RBBP5: variants seen among roughly 807,000 people sequenced by gnomAD.
The protein encoded by RBBP5 is retinoblastoma-binding protein 5.
In RBBP5, 5 loss-of-function variants were observed where a neutral mutation model predicts 72.2. That is an observed-to-expected ratio of 0.07 (90% CI 0.04 to 0.15). The LOEUF is 0.15. Among genes scored for constraint, RBBP5 ranks in the 10% least tolerant of loss-of-function variants. The probability of loss-of-function intolerance (pLI) is 1.00; values close to 1 mark genes in which losing one functional copy is unlikely to be tolerated. For synonymous variants in RBBP5, 209 were observed against 237.2 expected, an observed-to-expected ratio of 0.88 and a Z score of 1.09; for missense variants, 322 against 652.2, an observed-to-expected ratio of 0.49 and a Z score of 5.51.
chr1:205,106,617 A>G (rs1306155928), intron 3 of RBBP5, among the ~76,000 whole-genome samples: 1 of 152,172 alleles, frequency 6.6e-6, no homozygotes, highest in African/African-American at 2.4e-5. Context: ...TAAAAAATAA[A>G]TAAGATCTAC....
chr1:205,093,479 AATATATATATATATATATATATATAT>A lies in RBBP5; in HGVS notation c.1588+1368_1588+1393del, dbSNP rs1204598107. Among the ~76,000 whole-genome samples the A allele has an allele frequency of 7.1e-3, 56 of 7,840 alleles. 3 individuals are homozygous for A. Among genetic ancestry groups the A allele is most frequent in the East Asian group, 0.017 (1 of 60 alleles). The allele number at this position is 7,840 out of a possible 152,430, so 5.1% of individuals were successfully genotyped here. A position where few individuals can be genotyped will look rare whatever the true frequency, so the allele number is the denominator to read the frequency against. ...GTTTCAAAAAAAAAAAAAAAAAAAAAATATATATATATATATATATATATATATATATATATATATATATATATATA... is the reference window on the plus strand; with the variant it reads ...GTTTCAAAAAAAAAAAAAAAAAAAAAATATATATATATATATATATATATA... On this transcript the variant is annotated intron_variant, in intron 13 of 13. Coordinates refer to ENST00000264515, the MANE Select transcript of RBBP5 (RefSeq NM_005057.4).
At chr1:205,120,014 T>C (rs1055785834) in intron 1 of RBBP5, among the ~76,000 whole-genome samples, 4 of 152,170 alleles carry the variant, frequency 2.6e-5, no homozygotes, top group Admixed American at 2.6e-4. Flanking sequence ...TCCAAAGCTG[T>C]CTTTTTCCAA....
chr1:205,096,402 G>A (rs1023633371), intron 12 of RBBP5, among the ~76,000 whole-genome samples: 1 of 152,066 alleles, frequency 6.6e-6, no homozygotes, highest in Non-Finnish European at 1.5e-5. Context: ...ACTCTACGGG[G>A]AAACATTTAA....
intron 3 of RBBP5, among the ~76,000 whole-genome samples, chr1:205,107,490 C>T (rs1156357991): frequency 2.0e-5 from 3 of 152,158 alleles, no homozygotes; most frequent in Non-Finnish European, 4.4e-5. Context: ...AAGAAAAGAA[C>T]TGTCATTCCA....
At position 205,100,206 on chromosome 1, in the gene RBBP5, C is replaced by T; in HGVS notation, c.698G>A (p.Cys233Tyr). 1 of 1,614,158 alleles carries T rather than the reference C, an allele frequency of 6.2e-7. No individual in the cohort carries two copies. Among genetic ancestry groups the T allele is most frequent in the Non-Finnish European group, 8.5e-7 (1 of 1,180,026 alleles). ...AGGTTCAGGCTCTCCATCTCTTCCA[C>T]ATGTTAAGATTTCTCTGCCATCATA... Reference protein sequence around the residue: ...RVYDGREILTCGRDGEPEPMQ... With the variant: ...RVYDGREILTYGRDGEPEPMQ... Residue 233 changes from cysteine to tyrosine, a missense_variant, in exon 7 of 14, where the codon TGT becomes TAT. Physicochemically the swap from Cys to Tyr is radical, Grantham distance 194. Around this residue, in one of 6 missense-constraint regions of RBBP5, gnomAD observed 161 missense variants for 327.8 expected, o/e 0.49. Coordinates refer to ENST00000264515, the MANE Select transcript of RBBP5 (RefSeq NM_005057.4).
At chr1:205,090,899 AAGAG>A (rs1359382401) in intron 13 of RBBP5, among the ~76,000 whole-genome samples, 4 of 152,142 alleles carry the variant, frequency 2.6e-5, no homozygotes, top group Admixed American at 2.0e-4. Context: ...GAGAAAAACA[AAGAG>A]AGAAAAAAAG....
intron 13 of RBBP5, among the ~76,000 whole-genome samples, 183 bp downstream of exon 13, chr1:205,094,690 C>T (rs1655543565): frequency 6.6e-6 from 1 of 152,142 alleles, no homozygotes; most frequent in Admixed American, 6.6e-5. Flanking sequence ...AGGTTAAGAG[C>T]CACTGAATTA....
At chr1:205,095,918 C>T (rs1002639895) in intron 12 of RBBP5, among the ~76,000 whole-genome samples, 5 of 152,164 alleles carry the variant, frequency 3.3e-5, no homozygotes, top group East Asian at 1.9e-4. Context: ...AAGGGCCGGG[C>T]GCAGTGGTTC....
At chr1:205,096,580 C>A in intron 12 of RBBP5, 102 bp downstream of exon 12, 1 of 1,069,404 alleles carries the variant, frequency 9.4e-7, no homozygotes. Context: ...TGGGAAAATT[C>A]CTCTAAGGTG....
intron 11 of RBBP5, 45 bp from the exon 12 acceptor site, chr1:205,096,956 T>C (rs372370847): frequency 9.9e-5 from 150 of 1,510,152 alleles, no homozygotes; most frequent in Non-Finnish European, 9.8e-5. Flanking sequence ...AAAGAGGAGA[T>C]AGTTGCTTAA....
chr1:205,093,479 AATATATATATAT>A (rs1204598107), intron 13 of RBBP5, among the ~76,000 whole-genome samples: 13 of 7,832 alleles, frequency 1.7e-3, no homozygotes, highest in Non-Finnish European at 3.7e-3. Context: ...AAAAAAAAAA[AATATATATATAT>A]ATATATATAT....
At chr1:205,108,365 C>A (rs1194797607) in intron 3 of RBBP5, among the ~76,000 whole-genome samples, 1 of 152,068 alleles carries the variant, frequency 6.6e-6, no homozygotes, top group African/African-American at 2.4e-5. Flanking sequence ...ATATTACACA[C>A]AAGAAAGGAC....
intron 2 of RBBP5, among the ~76,000 whole-genome samples, chr1:205,115,590 T>G (rs1656488379): frequency 6.6e-6 from 1 of 152,186 alleles, no homozygotes; most frequent in East Asian, 1.9e-4. Context: ...GATGGTGGTG[T>G]TTGTGAAAAA....
rs766503441 is a variant in RBBP5 at position 205,097,399 on chromosome 1, C to A, written c.1097-4G>T. ...TCATCTTCTGCAGCATCAGCCCCTG[C>A]AGGACAGAAACACAGGAGATGTTTG... is the stretch of plus-strand genomic sequence containing the variant. On this transcript the variant is annotated splice_polypyrimidine_tract_variant and splice_region_variant and intron_variant, in intron 10 of 13. Coordinates refer to ENST00000264515, the MANE Select transcript of RBBP5 (RefSeq NM_005057.4). The A allele has an allele frequency of 3.2e-6, 5 of 1,552,326 alleles. No homozygotes were observed. The highest frequency in any genetic ancestry group is 3.9e-5 in the Admixed American group (2 of 51,026).
rs372904793 is a variant in RBBP5, at chr1:205,101,631, T to C, written c.601A>G (p.Ile201Val). 6.2e-7 allele frequency: 1 copy of C among 1,613,144 alleles called. No individual in the cohort carries two copies. Among genetic ancestry groups the C allele is most frequent in the South Asian group, 1.1e-5 (1 of 90,832 alleles). Residue 201 changes from isoleucine to valine, a missense_variant, in exon 6 of 14, where the codon ATT becomes GTT. Coordinates refer to ENST00000264515, the MANE Select transcript of RBBP5 (RefSeq NM_005057.4). ...TTCCGGGCAAACTCAATTGACTTAA[T>C]GGCTGTGGTATTGCTTGTTCCAGTT... ...VTTGTSNTTA[I>V]KSIEFARKGS... is the part of the protein sequence containing the mutation.
intron 13 of RBBP5, among the ~76,000 whole-genome samples, chr1:205,092,379 G>C (rs984664973): frequency 1.3e-5 from 2 of 151,904 alleles, no homozygotes; most frequent in South Asian, 2.1e-4. Context: ...GAATTCCTGG[G>C]CTCAAGCAAT....
At chr1:205,113,147 G>T (rs1039985371) in intron 3 of RBBP5, among the ~76,000 whole-genome samples, 19 of 152,004 alleles carry the variant, frequency 1.2e-4, no homozygotes, top group African/African-American at 4.4e-4. Flanking sequence ...AAATCTATAC[G>T]TACAAAGTAG....
rs1425877362 is a variant in RBBP5 at position 205,094,885 on chromosome 1, G to A, written c.1576C>T (p.Gln526Ter). ...AATGTGTCCTTACCTGTCAAGGGCT[G>A]GCTGAGTTCCGCCTGCACTTTACCC... ...AKGKVQAELS[Q>*]PLTAGGAISE... Residue 526 changes from glutamine to a stop codon, truncating the protein, a stop_gained, in exon 13 of 14, where the codon CAG (glutamine) becomes TAG (stop). Transcript: ENST00000264515. LOFTEE classifies it high-confidence loss of function. 1 of 1,613,680 alleles carries A rather than the reference G, an allele frequency of 6.2e-7. No homozygotes were observed. The highest frequency in any genetic ancestry group is 8.5e-7 in the Non-Finnish European group (1 of 1,179,808).
intron 5 of RBBP5, among the ~76,000 whole-genome samples, chr1:205,103,393 T>C (rs1237759789): frequency 2.0e-5 from 3 of 152,156 alleles, no homozygotes; most frequent in Non-Finnish European, 2.9e-5. Flanking sequence ...GACTTCTTAT[T>C]CCACAGAAGA....
Sources: allele counts gnomAD v4.1 joint callset (sites outside exome capture counted in the v4.1 genomes callset), GRCh38; gene constraint gnomAD v4.1.1; regional missense constraint gnomAD v4.1.1; transcripts MANE v1.5; gene names NCBI Gene and HGNC (gene_info 2026-07-23, HGNC 2026-07-21).